The following CEACAM1 variants were observed in gnomAD, a reference collection of about 807,000 sequenced individuals.
CEACAM1 encodes cell adhesion molecule CEACAM1.
A neutral mutation model predicts 49.1 loss-of-function variants in CEACAM1; 31 were observed. That is an observed-to-expected ratio of 0.63 (90% CI 0.47 to 0.85). The LOEUF is 0.85. CEACAM1 is among the 40% of genes least tolerant of loss of function. The pLI, the probability that CEACAM1 is intolerant of heterozygous loss-of-function variation, is 0.00. For missense variants in CEACAM1, 570 were observed against 645.3 expected, an observed-to-expected ratio of 0.88 and a Z score of 1.26; for synonymous variants, 244 against 247.8, an observed-to-expected ratio of 0.98 and a Z score of 0.14.
chr19:42,519,117 C>T lies in CEACAM1; in HGVS notation c.1077G>A (p.Trp359Ter), dbSNP rs1158849314. The T allele has an allele frequency of 6.2e-7, 1 of 1,614,202 alleles. No individual in the cohort carries two copies. The highest frequency in any genetic ancestry group is 2.2e-5 in the East Asian group (1 of 44,878). The change falls in exon 5 of 9, where the codon TGG becomes TGA. Residue 359 changes from tryptophan (W) to a stop codon, truncating the protein, a stop_gained. Transcript: ENST00000161559. LOFTEE classifies it high-confidence loss of function. ...STNDTGISIR[W>*]FFKNQSLPSS... ...ACGGGAGACTCTGGTTTTTGAAGAA[C>T]CAACGGATGGAGATTCCAGTGTCAT... is the stretch of plus-strand genomic sequence containing the variant.
chr19:42,516,407 T>G (rs2041600784), intron 5 of CEACAM1, among the ~76,000 whole-genome samples: 1 of 152,132 alleles, frequency 6.6e-6, no homozygotes, highest in Non-Finnish European at 1.5e-5. Context: ...ATTCTATTTA[T>G]AAGAGCTTTA....
chr19:42,508,920 T>A lies in CEACAM1; in HGVS notation c.*189A>T, dbSNP rs924891801. ...TTGGGTTTCCTACAGACTCCCAATG[T>A]ACTTTCATCTATTGACACTGAGAGA... On this transcript the variant is annotated 3_prime_UTR_variant, in exon 9 of 9. Transcript: ENST00000161559. 14 of 583,858 alleles carry A rather than the reference T, an allele frequency of 2.4e-5. No homozygotes were observed. The African/African-American group carries it at 2.5e-4, about 11-fold the overall frequency. 36.2% of individuals were successfully genotyped at this position (583,858 alleles called of 1,614,324 possible). A position where few individuals can be genotyped will look rare whatever the true frequency, so the allele number is the denominator to read the frequency against.
In CEACAM1 at chr19:42,516,886, A is replaced by C. The variant is rs570218435; in HGVS notation, c.1246+2062T>G. The C allele has an allele frequency of 8.0e-5, 34 of 424,832 alleles. No homozygotes were observed. In the Admixed American group the frequency reaches 8.1e-4, roughly 10 times the overall value. 26.3% of individuals were successfully genotyped at this position (424,832 alleles called of 1,614,324 possible). On this transcript the variant is annotated intron_variant, in intron 5 of 8. Transcript: ENST00000161559. ...CATCTCTACAAAGAAAAGCAAAAAA[A>C]CAAAACAAAACAAAAAAACCCAAAC...
chr19:42,521,004 C>A (rs1435201020), intron 4 of CEACAM1: 2 of 468,418 alleles, frequency 4.3e-6, no homozygotes, highest in African/African-American at 3.8e-5. Flanking sequence ...CTCTGTGAAG[C>A]CCCTCCTGCT....
rs780877846 is a variant in CEACAM1, at chr19:42,510,855, A to C, written c.1461+34T>G. On this transcript the variant is annotated intron_variant, in intron 8 of 8. Coordinates refer to ENST00000161559, the MANE Select transcript of CEACAM1 (RefSeq NM_001712.5). ...AATTCTACACAGAATCATTTCCATG[A>C]GAAAATAAGCCCATGAAAACCGGCT... The C allele has an allele frequency of 3.0e-5, 48 of 1,583,540 alleles. 1 individual carries two copies. The South Asian group carries it at 5.3e-4, about 17-fold the overall frequency.
Position 42,508,953 on chromosome 19 carries a change from T to A in CEACAM1, c.*156A>T. On this transcript the variant is annotated 3_prime_UTR_variant, in exon 9 of 9. Coordinates refer to ENST00000161559, the MANE Select transcript of CEACAM1 (RefSeq NM_001712.5). Reference sequence around the variant, plus strand: ...TCTATTGACACTGAGAGAGGGGCAGTGACCAGGCAGCCTGGAGATGCCTAT... The same window carrying A: ...TCTATTGACACTGAGAGAGGGGCAGAGACCAGGCAGCCTGGAGATGCCTAT... 1 of 736,224 alleles carries A rather than the reference T, an allele frequency of 1.4e-6. No individual in the cohort carries two copies. Among genetic ancestry groups the A allele is most frequent in the South Asian group, 1.8e-5 (1 of 54,406 alleles). 45.6% of individuals were successfully genotyped at this position (736,224 alleles called of 1,614,324 possible).
In CEACAM1 at chr19:42,527,204, T is replaced by C; in HGVS notation, c.261A>G (p.Gln87=). The C allele has an allele frequency of 6.2e-7, 1 of 1,614,144 alleles. No individual in the cohort carries two copies. Among genetic ancestry groups the C allele is most frequent in the Non-Finnish European group, 8.5e-7 (1 of 1,180,008 alleles). ...RQIVGYAIGT[Q]QATPGPANSG... ...TGTTTGCGGGCCCTGGGGTAGCTTG[T>C]TGAGTTCCTATTGCATATCCTACAA... The change falls in exon 2 of 9, where the codon CAA becomes CAG. Residue 87 remains glutamine, a synonymous_variant. Transcript: ENST00000161559.
At chr19:42,511,674 T>A (rs1414807298) in intron 6 of CEACAM1, 46 bp from the exon 7 acceptor site, 7 of 1,586,736 alleles carry the variant, frequency 4.4e-6, no homozygotes. Context: ...AAGCACAGGA[T>A]CTTTGTTCCG....
chr19:42,511,047 C>T (rs1568649494), intron 7 of CEACAM1, 127 bp from the exon 8 acceptor site: 3 of 840,802 alleles, frequency 3.6e-6, no homozygotes, highest in Non-Finnish European at 4.0e-6. Context: ...TTACTTCCCT[C>T]AGAGTGTATG....
chr19:42,516,299 T>TA (rs2041598432), intron 5 of CEACAM1, among the ~76,000 whole-genome samples: 1 of 152,128 alleles, frequency 6.6e-6, no homozygotes, highest in Admixed American at 6.5e-5. Flanking sequence ...ACTGTTAGAA[T>TA]AATAAATTTA....
Position 42,522,084 on chromosome 19 carries a change from G to T in CEACAM1, c.543C>A (p.Asn181Lys). The T allele has an allele frequency of 6.2e-7, 1 of 1,614,202 alleles. No individual in the cohort carries two copies. ...TQDTTYLWWINNQSLPVSPRL... is the reference protein window; with the variant it reads ...TQDTTYLWWIKNQSLPVSPRL... ...TGGGACTGACCGGGAGGCTCTGATT[G>T]TTTATCCACCACAGGTAGGTTGTGT... The change falls in exon 3 of 9, where the codon AAC becomes AAA. Residue 181 changes from asparagine to lysine, a missense_variant. Physicochemically the swap from Asn to Lys is moderately conservative, Grantham distance 94 (BLOSUM62 0). Transcript: ENST00000161559.
intron 5 of CEACAM1, chr19:42,518,567 G>A (rs1838012415): frequency 4.4e-6 from 1 of 225,374 alleles, no homozygotes; most frequent in East Asian, 1.4e-4. Flanking sequence ...GCACCATCTC[G>A]GCTCACTGAA....
Position 42,511,629 on chromosome 19 carries a change from C to T in CEACAM1, c.1377-1G>A, listed in dbSNP as rs376067131. The T allele has an allele frequency of 1.2e-6, 2 of 1,613,808 alleles. No individual in the cohort carries two copies. The highest frequency in any genetic ancestry group is 1.7e-6 in the Non-Finnish European group (2 of 1,179,888). Reference sequence around the variant, plus strand: ...TGTGAGATCACGCTGGTCGCTTGCCCTAAATAAATATCAGAAACTGTGACT... The same window carrying T: ...TGTGAGATCACGCTGGTCGCTTGCCTTAAATAAATATCAGAAACTGTGACT... On this transcript the variant is annotated splice_acceptor_variant, in intron 6 of 8. Transcript: ENST00000161559. LOFTEE classifies it high-confidence loss of function.
intron 4 of CEACAM1, 101 bp from the exon 5 acceptor site, chr19:42,519,336 G>T: frequency 8.2e-7 from 1 of 1,213,036 alleles, no homozygotes; most frequent in Non-Finnish European, 1.2e-6. Context: ...CCAGCTCTCA[G>T]GTCCCACAGT....
At chr19:42,522,979 G>C (rs1488612065) in intron 2 of CEACAM1, among the ~76,000 whole-genome samples, 1 of 152,234 alleles carries the variant, frequency 6.6e-6, no homozygotes, top group East Asian at 1.9e-4. Flanking sequence ...CTGTGTGAGA[G>C]AAGCACAGAC....
At position 42,527,223 on chromosome 19, in the gene CEACAM1, C is replaced by T; in HGVS notation, c.242G>A (p.Gly81Glu). The change falls in exon 2 of 9, where the codon GGA (glycine) becomes GAA (glutamate). Residue 81 changes from glycine (G) to glutamate (E), a missense_variant. Coordinates refer to ENST00000161559, the MANE Select transcript of CEACAM1 (RefSeq NM_001712.5). ...AGCTTGTTGAGTTCCTATTGCATAT[C>T]CTACAATTTGACGGTTGCCATCCAC... ...ERVDGNRQIVGYAIGTQQATP... is the reference protein window; with the variant it reads ...ERVDGNRQIVEYAIGTQQATP... 2 of 1,613,950 alleles carry T rather than the reference C, an allele frequency of 1.2e-6. No homozygotes were observed. Among genetic ancestry groups the T allele is most frequent in the Non-Finnish European group, 1.7e-6 (2 of 1,179,964 alleles).
intron 2 of CEACAM1, among the ~76,000 whole-genome samples, chr19:42,523,930 G>A (rs2041823859): frequency 6.6e-6 from 1 of 152,152 alleles, no homozygotes; most frequent in South Asian, 2.1e-4. Context: ...TTGTCAGAAA[G>A]GATATCTGAG....
Position 42,527,404 on chromosome 19 carries a change from G to GGA in CEACAM1, c.65-6_65-5dup, listed in dbSNP as rs755613505. ...TTCCAGAAGGTTAGAAGTGAGGCTA[G>GGA]GAGAGAGGAGAGAGCATCAGTCAAT... On this transcript the variant is annotated splice_region_variant and splice_polypyrimidine_tract_variant and intron_variant, in intron 1 of 8. Transcript: ENST00000161559. 8.2e-6 allele frequency: 13 copies of GGA among 1,580,476 alleles called. No individual in the cohort carries two copies. Among genetic ancestry groups the GGA allele is most frequent in the Non-Finnish European group, 1.1e-5 (13 of 1,163,940 alleles).
Position 42,527,548 on chromosome 19 carries a change from T to TGTGTCC in CEACAM1, c.65-149_65-148insGGACAC. 1.9e-5 allele frequency: 20 copies of TGTGTCC among 1,041,180 alleles called. No homozygotes were observed. The South Asian group carries it at 3.1e-4, about 16-fold the overall frequency. The allele number at this position is 1,041,180 out of a possible 1,614,324, so 64.5% of individuals were successfully genotyped here. A position where few individuals can be genotyped will look rare whatever the true frequency, so the allele number is the denominator to read the frequency against. On this transcript the variant is annotated intron_variant, in intron 1 of 8. Coordinates refer to ENST00000161559, the MANE Select transcript of CEACAM1 (RefSeq NM_001712.5). ...GTGTGTGTGTGTGTGTGTGTGTGTG[T>TGTGTCC]CCTACTGGGTCAAGGTCAGCAGTGT...
Sources: gnomAD v4.1 joint callset for allele counts (sites outside exome capture counted in the v4.1 genomes callset) on GRCh38, gnomAD v4.1.1 for gene constraint, MANE v1.5 for transcripts, NCBI Gene and HGNC (gene_info 2026-07-23, HGNC 2026-07-21) for gene names.